Variants in LSS observed in about 807,000 individuals in gnomAD.
The protein encoded by LSS is lanosterol synthase.
A neutral mutation model predicts 110.3 loss-of-function variants in LSS; 90 were observed. That is an observed-to-expected ratio of 0.82 (90% CI 0.69 to 0.97). The LOEUF is 0.97. LSS is among the 50% of genes least tolerant of loss of function. The pLI, the probability that LSS is intolerant of heterozygous loss-of-function variation, is 0.00. For missense variants in LSS, 927 were observed against 990.0 expected (o/e 0.94, Z 0.85); for synonymous variants, 433 against 400.0 (o/e 1.08, Z -0.98).
At chr21:46,208,381 G>T in intron 13 of LSS, 80 bp from the exon 14 acceptor site, 2 of 1,201,106 alleles carry the variant, frequency 1.7e-6, no homozygotes, top group Non-Finnish European at 2.4e-6. Flanking sequence ...CGCTGAGACA[G>T]ACTGGGCAGG....
chr21:46,213,627 C>T, intron 10 of LSS, 111 bp downstream of exon 10: 1 of 799,776 alleles, frequency 1.3e-6, no homozygotes, highest in Non-Finnish European at 2.1e-6. Context: ...TGGAGGTATT[C>T]CCTGGCAGTA....
intron 10 of LSS, 77 bp downstream of exon 10, chr21:46,213,661 C>A (rs2080162422): frequency 3.0e-6 from 4 of 1,327,322 alleles, no homozygotes; most frequent in Non-Finnish European, 4.3e-6. Flanking sequence ...CCGTGGGGGC[C>A]CCCTCACTGG....
In LSS at chr21:46,227,038, T is replaced by C. The variant is rs147212133; in HGVS notation, c.319+514A>G. On this transcript the variant is annotated intron_variant, in intron 3 of 21. Coordinates refer to ENST00000397728, the MANE Select transcript of LSS (RefSeq NM_002340.6). Reference sequence around the variant, plus strand: ...CATTTTACAAGGCTGAGGATTTCTGTAGAGAAACACTCCCAGGATGCAAAA... The same window carrying C: ...CATTTTACAAGGCTGAGGATTTCTGCAGAGAAACACTCCCAGGATGCAAAA... 1.4e-3 allele frequency among the ~76,000 whole-genome samples: 219 copies of C among 152,320 alleles called. 1 individual carries two copies. The highest frequency in any genetic ancestry group is 2.3e-3 in the Non-Finnish European group (158 of 68,012).
intron 17 of LSS, among the ~76,000 whole-genome samples, chr21:46,204,459 A>C (rs2080020374): frequency 6.6e-6 from 1 of 152,042 alleles, no homozygotes. Flanking sequence ...GCTCAGAGCC[A>C]TCTAAGAGGA....
In LSS at chr21:46,205,250, A is replaced by G. The variant is rs573781033; in HGVS notation, c.1670+586T>C. Among the ~76,000 whole-genome samples, 6 of 152,238 alleles carry G rather than the reference A, an allele frequency of 3.9e-5. No individual in the cohort carries two copies. The South Asian group carries it at 1.2e-3, about 32-fold the overall frequency. On this transcript the variant is annotated intron_variant, in intron 17 of 21. Transcript: ENST00000397728. ...CTGTGTTCAACCGAAGGCCCGAGGG[A>G]GAGAACGCTGCTGTTACCCGAGCCA...
Position 46,195,841 on chromosome 21 carries a change from C to G in LSS, c.1737-85G>C, listed in dbSNP as rs938392533. 23 of 1,121,726 alleles carry G rather than the reference C, an allele frequency of 2.1e-5. No homozygotes were observed. In the Middle Eastern group the frequency reaches 6.1e-4, roughly 30 times the overall value. 69.5% of individuals were successfully genotyped at this position (1,121,726 alleles called of 1,614,324 possible). On this transcript the variant is annotated intron_variant, in intron 18 of 21. Coordinates refer to ENST00000397728, the MANE Select transcript of LSS (RefSeq NM_002340.6). ...CAACACGCATTCTGCAACAATCACA[C>G]GTGCCCCAGCCAGCCCACCAACTCC...
chr21:46,214,050 G>A lies in LSS; in HGVS notation c.1012-215C>T, dbSNP rs373514891. On this transcript the variant is annotated intron_variant, in intron 9 of 21. Transcript: ENST00000397728. ...ACCCAACTCAGACAGAGGCAGTGTC[G>A]GCCAAGGCCACAGCCTGCCTTAGGC... Among the ~76,000 whole-genome samples the A allele has an allele frequency of 3.9e-5, 6 of 152,212 alleles. No homozygotes were observed. The East Asian group carries it at 9.6e-4, about 24-fold the overall frequency.
At chr21:46,198,044 C>T (rs576072810) in intron 17 of LSS, among the ~76,000 whole-genome samples, 1 of 152,186 alleles carries the variant, frequency 6.6e-6, no homozygotes, top group South Asian at 2.1e-4. Context: ...ATATAATCAT[C>T]TCAAAGCAGA....
chr21:46,228,507 C>T lies in LSS; in HGVS notation c.107G>A (p.Trp36Ter). Residue 36 changes from tryptophan (W) to a stop codon, truncating the protein, a stop_gained, in exon 2 of 22, where the codon TGG becomes TAG. Coordinates refer to ENST00000397728, the MANE Select transcript of LSS (RefSeq NM_002340.6). LOFTEE classifies it high-confidence loss of function. Reference protein sequence around the residue: ...RLNCERGRQTWTYLQDERAGR... With the variant: ...RLNCERGRQT ...GGCGCGCTCGTCCTGCAGGTAGGTC[C>T]ACGTCTGCCGGCCCCTCTCGCAGTT... 1.2e-6 allele frequency: 2 copies of T among 1,602,326 alleles called. No individual in the cohort carries two copies. Among genetic ancestry groups the T allele is most frequent in the East Asian group, 2.2e-5 (1 of 44,840 alleles).
rs573057021 is a variant in LSS at position 46,222,123 on chromosome 21, C to G, written c.429-148G>C. 7.6e-5 allele frequency: 60 copies of G among 788,464 alleles called. No homozygotes were observed. In the African/African-American group the frequency reaches 8.1e-4, roughly 11 times the overall value. The allele number at this position is 788,464 out of a possible 1,614,324, so 48.8% of individuals were successfully genotyped here. ...CATGCCAACACAGGAGACCCCTGAG[C>G]AGCCACTCTGCAGTACGAATTCATG... On this transcript the variant is annotated intron_variant, in intron 4 of 21. Transcript: ENST00000397728.
rs150486500 is a variant in LSS, at chr21:46,221,716, C to T, written c.550+138G>A. 1.5e-5 allele frequency: 19 copies of T among 1,303,142 alleles called. No individual in the cohort carries two copies. The African/African-American group carries it at 1.7e-4, about 12-fold the overall frequency. The allele number at this position is 1,303,142 out of a possible 1,614,324, so 80.7% of individuals were successfully genotyped here. The stretch of plus-strand genomic sequence containing the variant: ...TAGGTTAAACAGTGTCTGCCTACTT[C>T]TGCTTTGACAAATTCCCTGCTCATG... On this transcript the variant is annotated intron_variant, in intron 5 of 21. Coordinates refer to ENST00000397728, the MANE Select transcript of LSS (RefSeq NM_002340.6).
At chr21:46,217,446 C>T (rs1027039787) in intron 6 of LSS, among the ~76,000 whole-genome samples, 8 of 152,128 alleles carry the variant, frequency 5.3e-5, no homozygotes, top group African/African-American at 1.9e-4. Flanking sequence ...GTGATGCTAG[C>T]CCCATCCTTA....
Position 46,206,741 on chromosome 21 carries a change from C to T in LSS, c.1495G>A (p.Gly499Arg). 3 of 1,612,554 alleles carry T rather than the reference C, an allele frequency of 1.9e-6. No homozygotes were observed. Among genetic ancestry groups the T allele is most frequent in the Non-Finnish European group, 2.5e-6 (3 of 1,179,968 alleles). Residue 499 changes from glycine (G) to arginine (R), a missense_variant, in exon 16 of 22, where the codon GGG becomes AGG. By Grantham distance (125) the Gly-to-Arg change is moderately radical. Coordinates refer to ENST00000397728, the MANE Select transcript of LSS (RefSeq NM_002340.6). ...VLLNMRNPDGGFATYETKRGG... is the reference protein window; with the variant it reads ...VLLNMRNPDGRFATYETKRGG... ...CGCTTGGTCTCATAGGTGGCGAACC[C>T]TCCATCTGGATTTCTCATGTTCAGC...
At chr21:46,228,664 C>T (rs1194442755) in intron 1 of LSS, 65 bp from the exon 2 acceptor site, 4 of 1,598,944 alleles carry the variant, frequency 2.5e-6, no homozygotes, top group Non-Finnish European at 3.4e-6. Flanking sequence ...CCCACTGCCC[C>T]AGTCGCGCTC....
chr21:46,207,074 G>A (rs2080059409), intron 15 of LSS, among the ~76,000 whole-genome samples: 1 of 152,210 alleles, frequency 6.6e-6, no homozygotes. Context: ...ACACACAAAA[G>A]CCAGATGTGC....
intron 20 of LSS, chr21:46,193,130 C>CGT (rs1315524930): frequency 2.4e-6 from 1 of 420,678 alleles, no homozygotes; most frequent in African/African-American, 2.5e-5. Context: ...CCTGTGCATG[C>CGT]ATACGTGTGT....
At position 46,188,648 on chromosome 21, in the gene LSS, GAAC is replaced by G. The variant is rs755284981; in HGVS notation, c.*2453_*2455del. On this transcript the variant is annotated 3_prime_UTR_variant, in exon 22 of 22. Transcript: ENST00000397728. ...CTCCTCTGCATTGTGATCCAATTGT[GAAC>G]AAAAAGTCCTCTTCGTGGAACAGGA... is the stretch of plus-strand genomic sequence containing the variant. 2.1e-6 allele frequency: 1 copy of G among 470,614 alleles called. No homozygotes were observed. The highest frequency in any genetic ancestry group is 1.6e-5 in the South Asian group (1 of 64,500). The allele number at this position is 470,614 out of a possible 1,614,324, so 29.2% of individuals were successfully genotyped here. A position where few individuals can be genotyped will look rare whatever the true frequency, so the allele number is the denominator to read the frequency against.
At position 46,191,167 on chromosome 21, in the gene LSS, G is replaced by T. The variant is rs762517483; in HGVS notation, c.2136C>A (p.Pro712=). The change falls in exon 22 of 22, where the codon CCC becomes CCA. Residue 712 remains proline (P), a synonymous_variant. Coordinates refer to ENST00000397728, the MANE Select transcript of LSS (RefSeq NM_002340.6). The part of the protein sequence containing the change: ...ISYTSYRNIF[P]IWALGRFSQL... ...GGGAGAAGCGGCCGAGGGCCCAGAT[G>T]GGGAAGATGTTCCTGTAGCTCGTGT... is the stretch of plus-strand genomic sequence containing the variant. The T allele has an allele frequency of 6.2e-7, 1 of 1,614,148 alleles. No homozygotes were observed. Among genetic ancestry groups the T allele is most frequent in the Non-Finnish European group, 8.5e-7 (1 of 1,180,006 alleles).
At chr21:46,210,860 C>T (rs964104955) in intron 11 of LSS, 116 bp from the exon 12 acceptor site, 18 of 936,098 alleles carry the variant, frequency 1.9e-5, no homozygotes, top group South Asian at 1.1e-4. Flanking sequence ...ACCCAGCCAA[C>T]GCTCAGCCTC....
Sources: gnomAD v4.1 joint callset for allele counts (sites outside exome capture counted in the v4.1 genomes callset) on GRCh38, gnomAD v4.1.1 for gene constraint, MANE v1.5 for transcripts, NCBI Gene and HGNC (gene_info 2026-07-23, HGNC 2026-07-21) for gene names.